OTUD7A: variants seen among roughly 807,000 people sequenced by gnomAD.
OTUD7A encodes OTU domain-containing protein 7A.
A neutral mutation model predicts 65.7 loss-of-function variants in OTUD7A; 12 were observed. That is an observed-to-expected ratio of 0.18 (90% CI 0.12 to 0.30). The LOEUF is 0.30. Among genes scored for constraint, OTUD7A ranks in the 10% least tolerant of loss-of-function variants. The pLI is 1.00. For missense variants in OTUD7A, 1,148 were observed against 1,304.8 expected (o/e 0.88, Z 1.85); for synonymous variants, 641 against 586.3 (o/e 1.09, Z -1.35).
At chr15:31,726,616 C>A (rs1893896892) in intron 1 of OTUD7A, among the ~76,000 whole-genome samples, 1 of 152,220 alleles carries the variant, frequency 6.6e-6, no homozygotes, top group South Asian at 2.1e-4. Flanking sequence ...CCTAAACTAG[C>A]CCCTTTCCCA....
chr15:31,709,747 A>G (rs1230081245), intron 1 of OTUD7A, among the ~76,000 whole-genome samples: 3 of 152,026 alleles, frequency 2.0e-5, no homozygotes, highest in Admixed American at 6.5e-5. Flanking sequence ...CCTGCTGCCC[A>G]TGAAAGAGGA....
At chr15:31,860,686 T>C (rs1454860371) in intron 1 of OTUD7A, among the ~76,000 whole-genome samples, 10 of 126,736 alleles carry the variant, frequency 7.9e-5, no homozygotes, top group Non-Finnish European at 1.3e-4. Context: ...TGTATATATA[T>C]ATATATATAT....
intron 1 of OTUD7A, among the ~76,000 whole-genome samples, chr15:31,754,795 T>A (rs921645148): frequency 1.3e-5 from 2 of 152,212 alleles, no homozygotes; most frequent in African/African-American, 4.8e-5. Flanking sequence ...ATGTGATGCT[T>A]CCAGATTTGC....
intron 1 of OTUD7A, among the ~76,000 whole-genome samples, chr15:31,746,551 C>T (rs539824765): frequency 9.2e-4 from 136 of 148,330 alleles, no homozygotes; most frequent in Middle Eastern, 3.5e-3. Context: ...CTCATCCAGG[C>T]TGGAGTGCGA....
At chr15:31,508,362 G>C (rs2041615361) in intron 8 of OTUD7A, among the ~76,000 whole-genome samples, 1 of 151,608 alleles carries the variant, frequency 6.6e-6, no homozygotes, top group Non-Finnish European at 1.5e-5. Flanking sequence ...TTTTTGTTTT[G>C]TTTTGAGACG....
chr15:31,598,295 G>A lies in OTUD7A; in HGVS notation c.152-28098C>T, dbSNP rs181298162. Among the ~76,000 whole-genome samples the A allele has an allele frequency of 1.2e-4, 19 of 152,278 alleles. No individual in the cohort carries two copies. The East Asian group carries it at 2.1e-3, about 17-fold the overall frequency. ...GCAGGTGATTTCTGCATTTCCAACT[G>A]AGGTACAGGTTCATCTCATTGGGAC... On this transcript the variant is annotated intron_variant, in intron 3 of 12. Coordinates refer to ENST00000307050, the MANE Select transcript of OTUD7A (RefSeq NM_001382637.1).
At chr15:31,740,506 G>A (rs943095725) in intron 1 of OTUD7A, among the ~76,000 whole-genome samples, 80 of 152,264 alleles carry the variant, frequency 5.3e-4, no homozygotes, top group African/African-American at 1.4e-3. Context: ...CCTTCCCAGA[G>A]GAAGGAGGAG....
At chr15:31,595,233 G>C (rs1238779513) in intron 3 of OTUD7A, among the ~76,000 whole-genome samples, 1 of 152,206 alleles carries the variant, frequency 6.6e-6, no homozygotes, top group African/African-American at 2.4e-5. Context: ...AAGGACGCAA[G>C]ATTTTACCTT....
intron 1 of OTUD7A, among the ~76,000 whole-genome samples, chr15:31,827,931 T>A (rs1233012944): frequency 1.3e-5 from 2 of 151,668 alleles, no homozygotes; most frequent in Non-Finnish European, 1.5e-5. Flanking sequence ...CAAGATTCCA[T>A]CTCAAAAAAA....
At chr15:31,683,880 T>C (rs568649235) in intron 1 of OTUD7A, among the ~76,000 whole-genome samples, 1 of 152,256 alleles carries the variant, frequency 6.6e-6, no homozygotes, top group South Asian at 2.1e-4. Flanking sequence ...AGTCCAAGTT[T>C]ATAGGATCAG....
intron 3 of OTUD7A, among the ~76,000 whole-genome samples, chr15:31,638,950 C>G (rs552358251): frequency 6.6e-6 from 1 of 152,028 alleles, no homozygotes; most frequent in African/African-American, 2.4e-5. Flanking sequence ...CCGGCTAACA[C>G]GGTGAAACCC....
intron 1 of OTUD7A, among the ~76,000 whole-genome samples, chr15:31,676,016 T>G (rs1046392256): frequency 3.9e-5 from 6 of 152,160 alleles, no homozygotes; most frequent in Non-Finnish European, 5.9e-5. Context: ...AAACAGTTTC[T>G]AAAACTTAGA....
intron 5 of OTUD7A, among the ~76,000 whole-genome samples, chr15:31,544,714 C>A (rs1327230409): frequency 6.6e-6 from 1 of 151,772 alleles, no homozygotes; most frequent in African/African-American, 2.4e-5. Context: ...TCTTAACACA[C>A]CCTGTTCAAT....
intron 1 of OTUD7A, among the ~76,000 whole-genome samples, chr15:31,704,916 C>G (rs1893294463): frequency 6.6e-6 from 1 of 151,820 alleles, no homozygotes; most frequent in African/African-American, 2.4e-5. Context: ...AAAGAAAACC[C>G]CCCTGGATAC....
intron 1 of OTUD7A, among the ~76,000 whole-genome samples, chr15:31,798,851 A>AG (rs1425509152): frequency 6.6e-6 from 1 of 152,160 alleles, no homozygotes; most frequent in Non-Finnish European, 1.5e-5. Flanking sequence ...CTCTGTGCCT[A>AG]GGGAACCCAT....
At chr15:31,677,889 AG>A (rs1405870168) in intron 1 of OTUD7A, among the ~76,000 whole-genome samples, 1 of 152,190 alleles carries the variant, frequency 6.6e-6, no homozygotes, top group African/African-American at 2.4e-5. Flanking sequence ...AACAGTTTGG[AG>A]GGCTCAGAAG....
At chr15:31,737,576 T>C (rs1321843240) in intron 1 of OTUD7A, among the ~76,000 whole-genome samples, 1 of 152,222 alleles carries the variant, frequency 6.6e-6, no homozygotes, top group Admixed American at 6.5e-5. Flanking sequence ...GAAACGGCGA[T>C]TCAAGTTCAA....
intron 3 of OTUD7A, among the ~76,000 whole-genome samples, chr15:31,627,641 T>C (rs1891002943): frequency 6.6e-6 from 1 of 152,182 alleles, no homozygotes; most frequent in Admixed American, 6.5e-5. Flanking sequence ...ATATTTCTAG[T>C]TCTAGATCCC....
chr15:31,733,720 G>T (rs970305036), intron 1 of OTUD7A, among the ~76,000 whole-genome samples: 1 of 152,130 alleles, frequency 6.6e-6, no homozygotes, highest in South Asian at 2.1e-4. Context: ...GTCACCATGG[G>T]GTCAGCTATA....
Sources: allele counts gnomAD v4.1 joint callset (sites outside exome capture counted in the v4.1 genomes callset), GRCh38; gene constraint gnomAD v4.1.1; transcripts MANE v1.5; gene names NCBI Gene and HGNC (gene_info 2026-07-23, HGNC 2026-07-21).